Variants in RFTN2 observed in about 807,000 individuals in gnomAD.
RFTN2 encodes the protein raftlin-2.
Under a neutral mutation model 52.7 loss-of-function variants are expected in RFTN2, and 34 were observed. That is an observed-to-expected ratio of 0.64 (90% CI 0.49 to 0.86). The LOEUF is 0.86. RFTN2 is among the 40% of genes least tolerant of loss of function. The pLI, the probability that RFTN2 is intolerant of heterozygous loss-of-function variation, is 0.00. For synonymous variants in RFTN2, 203 were observed against 217.7 expected (o/e 0.93, Z 0.59); for missense variants, 536 against 600.1 (o/e 0.89, Z 1.12).
rs1468561424 is a variant in RFTN2, at chr2:197,569,212, C to T, written c.*2796G>A. 1 of 152,172 alleles carries T rather than the reference C, an allele frequency of 6.6e-6. No homozygotes were observed. Among genetic ancestry groups the T allele is most frequent in the Non-Finnish European group, 1.5e-5 (1 of 68,036 alleles). The allele number at this position is 152,172 out of a possible 1,614,324, so 9.4% of individuals were successfully genotyped here. On this transcript the variant is annotated 3_prime_UTR_variant, in exon 9 of 9. Coordinates refer to ENST00000295049, the MANE Select transcript of RFTN2 (RefSeq NM_144629.3). Reference sequence around the variant, plus strand: ...GGAATGGCAGATCTTCACCCAACATCTGGGATCTTGATACCTTTCATTATA... The same window carrying T: ...GGAATGGCAGATCTTCACCCAACATTTGGGATCTTGATACCTTTCATTATA...
At chr2:197,628,129 G>C (rs1464623347) in intron 5 of RFTN2, among the ~76,000 whole-genome samples, 2 of 152,030 alleles carry the variant, frequency 1.3e-5, no homozygotes, top group Admixed American at 6.6e-5. Flanking sequence ...ATTCAGCCCT[G>C]CTTCCTCTGA....
At chr2:197,582,561 C>T (rs188755913) in intron 8 of RFTN2, among the ~76,000 whole-genome samples, 50 of 152,290 alleles carry the variant, frequency 3.3e-4, no homozygotes, top group African/African-American at 1.1e-3. Context: ...ACCACTCTGC[C>T]CCCCTCCACT....
At chr2:197,591,575 G>T (rs1210047551) in intron 8 of RFTN2, among the ~76,000 whole-genome samples, 1 of 152,218 alleles carries the variant, frequency 6.6e-6, no homozygotes, top group Non-Finnish European at 1.5e-5. Flanking sequence ...CCCTTGGGCG[G>T]TCCGTGGGAC....
chr2:197,586,602 A>C (rs930455784), intron 8 of RFTN2, among the ~76,000 whole-genome samples: 3 of 152,188 alleles, frequency 2.0e-5, no homozygotes, highest in Admixed American at 1.3e-4. Flanking sequence ...GACACGACAA[A>C]AAAGAGTTAT....
At chr2:197,572,596 T>A (rs1452663438) in intron 8 of RFTN2, among the ~76,000 whole-genome samples, 2 of 152,206 alleles carry the variant, frequency 1.3e-5, no homozygotes, top group Non-Finnish European at 2.9e-5. Flanking sequence ...AAATCATACT[T>A]TGGGAGAACA....
At chr2:197,614,193 G>A (rs1012022088) in intron 7 of RFTN2, among the ~76,000 whole-genome samples, 4 of 152,018 alleles carry the variant, frequency 2.6e-5, no homozygotes, top group African/African-American at 9.7e-5. Flanking sequence ...GATCCTTCAG[G>A]GCCAGAAACC....
intron 1 of RFTN2, among the ~76,000 whole-genome samples, chr2:197,660,363 T>A (rs1010032878): frequency 3.9e-4 from 60 of 152,180 alleles, no homozygotes; most frequent in African/African-American, 1.4e-3. Context: ...TAACATCAAA[T>A]TATTATTGTT....
chr2:197,611,008 G>A (rs551378758), intron 7 of RFTN2, among the ~76,000 whole-genome samples: 4 of 152,254 alleles, frequency 2.6e-5, no homozygotes, highest in South Asian at 2.1e-4. Context: ...TGCTGGATTC[G>A]GTTTGCCAGT....
At chr2:197,662,386 A>C (rs2088989029) in intron 1 of RFTN2, among the ~76,000 whole-genome samples, 1 of 152,212 alleles carries the variant, frequency 6.6e-6, no homozygotes. Flanking sequence ...TCCTTTCCCC[A>C]GTGTATGCTC....
In RFTN2 at chr2:197,610,981, T is replaced by G. The variant is rs891705084; in HGVS notation, c.1154+4895A>C. The stretch of plus-strand genomic sequence containing the variant: ...ATGAAGCCGACTTGATTGTGGTGGA[T>G]AAGCTTTTTGATGTGCTGCTGGATT... On this transcript the variant is annotated intron_variant, in intron 7 of 8. Coordinates refer to ENST00000295049, the MANE Select transcript of RFTN2 (RefSeq NM_144629.3). 7.4e-4 allele frequency among the ~76,000 whole-genome samples: 113 copies of G among 152,234 alleles called. 8 individuals carry two copies. Among genetic ancestry groups the G allele is most frequent in the Non-Finnish European group, 5.9e-5 (4 of 68,034 alleles).
chr2:197,603,581 G>A (rs1296725434), intron 7 of RFTN2, among the ~76,000 whole-genome samples: 1 of 151,998 alleles, frequency 6.6e-6, no homozygotes, highest in Non-Finnish European at 1.5e-5. Context: ...TCTCCCAAAG[G>A]GCTGAGATTA....
chr2:197,599,645 C>T (rs1453230347), intron 7 of RFTN2, among the ~76,000 whole-genome samples: 1 of 152,020 alleles, frequency 6.6e-6, no homozygotes, highest in East Asian at 1.9e-4. Context: ...AGAATCATTG[C>T]CTGTATGTTT....
chr2:197,583,452 C>T (rs1005351025), intron 8 of RFTN2, among the ~76,000 whole-genome samples: 10 of 152,156 alleles, frequency 6.6e-5, no homozygotes, highest in Admixed American at 4.6e-4. Flanking sequence ...GATAATGGAC[C>T]GGCCATTCTA....
At chr2:197,618,231 G>GCT (rs1470803149) in intron 5 of RFTN2, among the ~76,000 whole-genome samples, 1 of 152,012 alleles carries the variant, frequency 6.6e-6, no homozygotes, top group Non-Finnish European at 1.5e-5. Flanking sequence ...GATTGCAGGC[G>GCT]CGCGCCGCCA....
At chr2:197,577,444 T>C (rs1245418791) in intron 8 of RFTN2, among the ~76,000 whole-genome samples, 3 of 152,266 alleles carry the variant, frequency 2.0e-5, no homozygotes, top group African/African-American at 7.2e-5. Flanking sequence ...GTTCTTTTCC[T>C]GTTTATTCCT....
chr2:197,576,210 G>A (rs1195289482), intron 8 of RFTN2, among the ~76,000 whole-genome samples: 2 of 151,984 alleles, frequency 1.3e-5, no homozygotes, highest in South Asian at 4.2e-4. Context: ...GTTTCAACAT[G>A]TTGGCCAGCT....
At chr2:197,605,444 T>A (rs536275083) in intron 7 of RFTN2, among the ~76,000 whole-genome samples, 57 of 152,060 alleles carry the variant, frequency 3.7e-4, no homozygotes, top group Non-Finnish European at 2.1e-4. Context: ...CTCGATCTCC[T>A]GACCTCATGA....
intron 6 of RFTN2, among the ~76,000 whole-genome samples, chr2:197,617,224 G>A (rs559830868): frequency 3.3e-5 from 5 of 152,330 alleles, no homozygotes; most frequent in Admixed American, 1.3e-4. Flanking sequence ...ACAGAATGCT[G>A]TAAAGAGAAG....
At chr2:197,634,821 G>T (rs2088535159) in intron 3 of RFTN2, among the ~76,000 whole-genome samples, 1 of 151,160 alleles carries the variant, frequency 6.6e-6, no homozygotes, top group East Asian at 1.9e-4. Context: ...GTGACATGCT[G>T]GTGCGCTGCA....
Sources: gnomAD v4.1 joint callset for allele counts (sites outside exome capture counted in the v4.1 genomes callset) on GRCh38, gnomAD v4.1.1 for gene constraint, MANE v1.5 for transcripts, NCBI Gene and HGNC (gene_info 2026-07-23, HGNC 2026-07-21) for gene names.